MLLT10: variants seen among roughly 807,000 people sequenced by gnomAD.
The protein encoded by MLLT10 is MLLT10 histone lysine methyltransferase DOT1L cofactor, also known as protein AF-10.
A neutral mutation model predicts 129.1 loss-of-function variants in MLLT10; 30 were observed. The ratio of observed to expected loss-of-function variants is 0.23; its 90% CI spans 0.17 to 0.32. The LOEUF (loss-of-function observed/expected upper bound fraction) is 0.32. MLLT10 is among the 10% of genes least tolerant of loss of function. MLLT10 has a pLI of 1.00. For missense variants in MLLT10, 1,119 were observed against 1,268.3 expected, an observed-to-expected ratio of 0.88 and a Z score of 1.79; for synonymous variants, 490 against 446.4, an observed-to-expected ratio of 1.10 and a Z score of -1.23.
chr10:21,730,392 CA>C (rs1377184172), intron 16 of MLLT10, among the ~76,000 whole-genome samples: 1 of 147,896 alleles, frequency 6.8e-6, no homozygotes, highest in East Asian at 2.0e-4. Flanking sequence ...TAATTTATAA[CA>C]AAAGGCTGCT....
At chr10:21,669,109 T>G in intron 9 of MLLT10, 3 of 1,279,204 alleles carry the variant, frequency 2.3e-6, no homozygotes, top group South Asian at 1.3e-5. Flanking sequence ...TGGGATTTTT[T>G]TTTTCCTTTT....
At chr10:21,647,010 C>G (rs2048560282) in intron 8 of MLLT10, among the ~76,000 whole-genome samples, 1 of 152,158 alleles carries the variant, frequency 6.6e-6, no homozygotes, top group Admixed American at 6.5e-5. Flanking sequence ...CGCCCGCCAC[C>G]ACGCCCGACT....
chr10:21,722,822 GAC>G (rs2057228066), intron 14 of MLLT10, among the ~76,000 whole-genome samples: 2 of 152,140 alleles, frequency 1.3e-5, no homozygotes, highest in African/African-American at 4.8e-5. Context: ...GCTAAGCAGT[GAC>G]AGTCATTTGT....
intron 9 of MLLT10, among the ~76,000 whole-genome samples, chr10:21,665,050 A>G (rs557011310): frequency 6.9e-6 from 1 of 145,458 alleles, no homozygotes; most frequent in Admixed American, 7.1e-5. Context: ...GGTTCAAGTG[A>G]TTCTCCTGCC....
intron 9 of MLLT10, among the ~76,000 whole-genome samples, chr10:21,653,978 A>G (rs565335375): frequency 6.6e-6 from 1 of 152,352 alleles, no homozygotes; most frequent in East Asian, 1.9e-4. Flanking sequence ...GGTACAACCG[A>G]CAAAGGAGAC....
intron 14 of MLLT10, among the ~76,000 whole-genome samples, chr10:21,724,041 A>G (rs1425885669): frequency 6.6e-6 from 1 of 152,214 alleles, no homozygotes; most frequent in African/African-American, 2.4e-5. Flanking sequence ...GCCCTCTACT[A>G]CTAAATACAT....
chr10:21,637,468 A>G (rs774068393), intron 8 of MLLT10, among the ~76,000 whole-genome samples: 1 of 152,190 alleles, frequency 6.6e-6, no homozygotes, highest in Non-Finnish European at 1.5e-5. Context: ...ATCTGTTCCT[A>G]TACTTTCCAG....
chr10:21,717,688 C>CTT, intron 14 of MLLT10, among the ~76,000 whole-genome samples: 1 of 121,450 alleles, frequency 8.2e-6, no homozygotes, highest in African/African-American at 3.4e-5. Context: ...TCCTCCTCCT[C>CTT]CTCCTCCTCC....
At chr10:21,601,408 G>A (rs1405880481) in intron 5 of MLLT10, among the ~76,000 whole-genome samples, 2 of 152,196 alleles carry the variant, frequency 1.3e-5, no homozygotes, top group East Asian at 3.8e-4. Flanking sequence ...AAGGCAGCAA[G>A]CATTCCAATC....
intron 8 of MLLT10, among the ~76,000 whole-genome samples, chr10:21,628,740 CTTTTTTTTTTTTT>C (rs1161362725): frequency 1.0e-5 from 1 of 99,362 alleles, no homozygotes; most frequent in African/African-American, 4.5e-5. Flanking sequence ...TGTGCCCTGC[CTTTTTTTTTTTTT>C]TTTTTTTTTT....
rs183582002 is a variant in MLLT10, at chr10:21,542,910, G to A, written c.240+3998G>A. ...AAGAAAAAGAAGTTTTTGCAGGGGGGCATTTTATTTTAACATCATTTGGTG... is the reference window on the plus strand; with the variant it reads ...AAGAAAAAGAAGTTTTTGCAGGGGGACATTTTATTTTAACATCATTTGGTG... On this transcript the variant is annotated intron_variant, in intron 3 of 22. Coordinates refer to ENST00000307729, the MANE Select transcript of MLLT10 (RefSeq NM_001195626.3). Among the ~76,000 whole-genome samples the A allele has an allele frequency of 2.1e-3, 320 of 151,890 alleles. 2 individuals carry two copies. Among genetic ancestry groups the A allele is most frequent in the African/African-American group, 7.4e-3 (305 of 41,454 alleles).
intron 8 of MLLT10, among the ~76,000 whole-genome samples, chr10:21,618,626 T>C (rs1196428624): frequency 6.6e-6 from 1 of 152,090 alleles, no homozygotes; most frequent in Non-Finnish European, 1.5e-5. Context: ...CTTAGGGCTG[T>C]TGTTTGGCAT....
At chr10:21,648,502 C>T (rs915558303) in intron 8 of MLLT10, among the ~76,000 whole-genome samples, 2 of 152,116 alleles carry the variant, frequency 1.3e-5, no homozygotes, top group African/African-American at 4.8e-5. Flanking sequence ...ATTAAATTAT[C>T]TCAGCTCTTA....
At chr10:21,537,699 C>A (rs1380518665) in intron 2 of MLLT10, among the ~76,000 whole-genome samples, 3 of 151,880 alleles carry the variant, frequency 2.0e-5, no homozygotes, top group Non-Finnish European at 4.4e-5. Flanking sequence ...GAACTCCTGA[C>A]CTCAGGTGAT....
At position 21,549,123 on chromosome 10, in the gene MLLT10, T is replaced by C. The variant is rs1045798228; in HGVS notation, c.240+10211T>C. On this transcript the variant is annotated intron_variant, in intron 3 of 22. Transcript: ENST00000307729. ...TTTCTACAAGTCAGGAGCTTATTCC[T>C]TTTTTTTTTTTTTTTTTTAGACTTG... Among the ~76,000 whole-genome samples, 11 of 43,958 alleles carry C rather than the reference T, an allele frequency of 2.5e-4. No homozygotes were observed. In the East Asian group the frequency reaches 4.3e-3, roughly 17 times the overall value. 28.8% of individuals were successfully genotyped at this position (43,958 alleles called of 152,430 possible). A position where few individuals can be genotyped will look rare whatever the true frequency, so the allele number is the denominator to read the frequency against.
intron 8 of MLLT10, among the ~76,000 whole-genome samples, chr10:21,633,055 A>G (rs748168632): frequency 3.9e-5 from 6 of 152,208 alleles, no homozygotes; most frequent in Non-Finnish European, 7.3e-5. Flanking sequence ...GTTCATCACT[A>G]TGGTAGCTCA....
chr10:21,600,358 C>A (rs1317227552), intron 5 of MLLT10, among the ~76,000 whole-genome samples: 3 of 147,296 alleles, frequency 2.0e-5, no homozygotes, highest in Non-Finnish European at 4.4e-5. Context: ...TTGAATCTTT[C>A]CTGAGATAGA....
chr10:21,639,545 T>C (rs1391225580), intron 8 of MLLT10, among the ~76,000 whole-genome samples: 2 of 152,166 alleles, frequency 1.3e-5, no homozygotes, highest in Non-Finnish European at 2.9e-5. Context: ...TAGTGTGAAG[T>C]ATGTCACTGG....
chr10:21,573,693 A>G (rs1051786002), intron 3 of MLLT10, among the ~76,000 whole-genome samples: 3 of 151,760 alleles, frequency 2.0e-5, no homozygotes, highest in Non-Finnish European at 4.4e-5. Flanking sequence ...CAGACTCCCA[A>G]GTAGCTGAGA....
Sources: gnomAD v4.1 joint callset for allele counts (sites outside exome capture counted in the v4.1 genomes callset) on GRCh38, gnomAD v4.1.1 for gene constraint, MANE v1.5 for transcripts, NCBI Gene and HGNC (gene_info 2026-07-23, HGNC 2026-07-21) for gene names.